Variants in INPP5D observed in about 807,000 individuals in gnomAD.
The protein encoded by INPP5D is phosphatidylinositol 3,4,5-trisphosphate 5-phosphatase 1.
Under a neutral mutation model 122.9 loss-of-function variants are expected in INPP5D, and 33 were observed. The observed-to-expected ratio is 0.27, with a 90% CI of 0.20 to 0.36. INPP5D has a LOEUF of 0.36. Ranked by LOEUF, INPP5D falls within the 10% of genes least tolerant of loss-of-function variation. The pLI is 1.00. For missense variants in INPP5D, 1,053 were observed against 1,412.7 expected (o/e 0.75, Z 4.08); for synonymous variants, 584 against 576.2 (o/e 1.01, Z -0.19).
chr2:233,198,445 C>T (rs1695243509), intron 25 of INPP5D, 69 bp downstream of exon 25: 5 of 1,526,814 alleles, frequency 3.3e-6, no homozygotes, highest in Non-Finnish European at 3.5e-6. Context: ...TGGGCTTTCA[C>T]CCTAGAATGG....
intron 2 of INPP5D, among the ~76,000 whole-genome samples, chr2:233,114,738 C>T (rs1016312196): frequency 6.6e-6 from 1 of 152,204 alleles, no homozygotes; most frequent in Non-Finnish European, 1.5e-5. Context: ...ACCCCGCAAA[C>T]CCACACCATT....
chr2:233,143,581 C>T (rs1366350547), intron 6 of INPP5D, among the ~76,000 whole-genome samples: 1 of 152,360 alleles, frequency 6.6e-6, no homozygotes, highest in African/African-American at 2.4e-5. Flanking sequence ...TGAGTCTTAG[C>T]ACCACCTCTT....
In INPP5D at chr2:233,197,665, A is replaced by G. The variant is rs1192546825; in HGVS notation, c.2694-430A>G. ...TCTGCTTATCTTCTTATCTCAGATG[A>G]AAGACCACCTCCTCAGATGGGGCCT... On this transcript the variant is annotated intron_variant, in intron 24 of 26. Coordinates refer to ENST00000445964, the MANE Select transcript of INPP5D (RefSeq NM_001017915.3). The surrounding 1 kb of genome is among the most constrained non-coding windows in gnomAD (Gnocchi z 4.4). 6.6e-6 allele frequency among the ~76,000 whole-genome samples: 1 copy of G among 152,166 alleles called. No homozygotes were observed. Among genetic ancestry groups the G allele is most frequent in the African/African-American group, 2.4e-5 (1 of 41,442 alleles).
At chr2:233,172,783 T>C (rs2106304628) in intron 17 of INPP5D, among the ~76,000 whole-genome samples, 1 of 152,348 alleles carries the variant, frequency 6.6e-6, no homozygotes, top group South Asian at 2.1e-4. Flanking sequence ...TTCAGTTAGA[T>C]GGTGTGGCCT....
chr2:233,204,635 G>A lies in INPP5D; in HGVS notation c.3485G>A (p.Arg1162His). Residue 1162 changes from arginine to histidine, a missense_variant, in exon 26 of 27, where the codon CGC becomes CAC. Physicochemically the swap from Arg to His is conservative, Grantham distance 29 (BLOSUM62 0). Coordinates refer to ENST00000445964, the MANE Select transcript of INPP5D (RefSeq NM_001017915.3). ...HLQHSKGRDY[R>H]DNTELPHHGK... is the part of the protein sequence containing the mutation. ...CAGCACTCCAAGGGCCGCGACTACCGCGACAACACCGAGCTCCCGCATCAC... is the reference window on the plus strand; with the variant it reads ...CAGCACTCCAAGGGCCGCGACTACCACGACAACACCGAGCTCCCGCATCAC... The A allele has an allele frequency of 1.9e-6, 3 of 1,583,776 alleles. No homozygotes were observed. Among genetic ancestry groups the A allele is most frequent in the East Asian group, 2.3e-5 (1 of 43,240 alleles).
At position 233,168,022 on chromosome 2, in the gene INPP5D, A is replaced by G. The variant is rs528463055; in HGVS notation, c.1556-1283A>G. ...TCTGTCTCCAAAAAAAAAAAAAAAA[A>G]AAAGAAAGAAAGGAAGAAAAGAAAA... On this transcript the variant is annotated intron_variant, in intron 13 of 26. Transcript: ENST00000445964. Among the ~76,000 whole-genome samples the G allele has an allele frequency of 1.6e-3, 178 of 112,694 alleles. 1 individual carries two copies. Among genetic ancestry groups the G allele is most frequent in the African/African-American group, 4.5e-3 (161 of 36,042 alleles). 73.9% of individuals were successfully genotyped at this position (112,694 alleles called of 152,430 possible).
At position 233,085,109 on chromosome 2, in the gene INPP5D, G is replaced by T. The variant is rs117921421; in HGVS notation, c.198+5711G>T. Among the ~76,000 whole-genome samples the T allele has an allele frequency of 5.9e-3, 898 of 152,240 alleles. 20 individuals carry two copies. In the East Asian group the frequency reaches 0.063, roughly 11 times the overall value. ...TTCAAGAATGTAGTGTTACAGGCTG[G>T]GTGCAGTGGCTCACTCCTGTAATCC... On this transcript the variant is annotated intron_variant, in intron 2 of 26. Transcript: ENST00000445964.
In INPP5D at chr2:233,170,728, C is replaced by G; in HGVS notation, c.1900+124C>G. ...ACCATCCTGGCTAACACAGTGAAAC[C>G]CCGTCTCTACTTAAAAAAATACAAA... On this transcript the variant is annotated intron_variant, in intron 16 of 26. Coordinates refer to ENST00000445964, the MANE Select transcript of INPP5D (RefSeq NM_001017915.3). This position sits in a 1 kb window ranked among gnomAD's most constrained non-coding sequence, Gnocchi z 4.5. 1.5e-6 allele frequency: 2 copies of G among 1,323,176 alleles called. No homozygotes were observed. The highest frequency in any genetic ancestry group is 2.7e-5 in the Admixed American group (1 of 36,494). The allele number at this position is 1,323,176 out of a possible 1,614,324, so 82.0% of individuals were successfully genotyped here. A position where few individuals can be genotyped will look rare whatever the true frequency, so the allele number is the denominator to read the frequency against.
At chr2:233,134,523 C>T (rs1041372142) in intron 5 of INPP5D, among the ~76,000 whole-genome samples, 1 of 152,078 alleles carries the variant, frequency 6.6e-6, no homozygotes, top group African/African-American at 2.4e-5. Context: ...GCCAGAGCCT[C>T]CTCTGCAGAA....
intron 1 of INPP5D, among the ~76,000 whole-genome samples, chr2:233,067,354 A>G (rs1317431873): frequency 9.8e-5 from 15 of 152,314 alleles, no homozygotes; most frequent in Admixed American, 3.9e-4. Context: ...GTCAAGCTTC[A>G]TCTGTGTTGT....
chr2:233,117,297 C>T (rs10933432), intron 2 of INPP5D, among the ~76,000 whole-genome samples: 7 of 152,198 alleles, frequency 4.6e-5, no homozygotes, highest in East Asian at 1.9e-4. Flanking sequence ...GACGCTTCAT[C>T]GGGGGACGCA....
At chr2:233,163,005 C>T (rs1286101838) in intron 11 of INPP5D, among the ~76,000 whole-genome samples, 1 of 152,106 alleles carries the variant, frequency 6.6e-6, no homozygotes, top group East Asian at 1.9e-4. Flanking sequence ...ACCCACCAGC[C>T]CGGGGGTTCG....
Position 233,197,512 on chromosome 2 carries a change from C to T in INPP5D, c.2694-583C>T, listed in dbSNP as rs893049811. On this transcript the variant is annotated intron_variant, in intron 24 of 26. Transcript: ENST00000445964. This position sits in a 1 kb window ranked among gnomAD's most constrained non-coding sequence, Gnocchi z 4.4. ...TGCCCTGCCAGCCTTGCCAGCTTCT[C>T]ATTCCATCCTCTGCACCTGCTCACC... Among the ~76,000 whole-genome samples, 4 of 152,178 alleles carry T rather than the reference C, an allele frequency of 2.6e-5. No individual in the cohort carries two copies. Among genetic ancestry groups the T allele is most frequent in the Non-Finnish European group, 4.4e-5 (3 of 68,024 alleles).
chr2:233,061,910 G>C (rs572654759), intron 1 of INPP5D, among the ~76,000 whole-genome samples: 14 of 152,260 alleles, frequency 9.2e-5, no homozygotes, highest in Non-Finnish European at 1.5e-4. Flanking sequence ...TACAGGGTCA[G>C]CTGGGGCACT....
At chr2:233,152,869 G>C (rs574573432) in intron 9 of INPP5D, among the ~76,000 whole-genome samples, 16 of 152,200 alleles carry the variant, frequency 1.1e-4, no homozygotes, top group African/African-American at 3.9e-4. Flanking sequence ...CAGCTGGGGG[G>C]GGTGTGGTGT....
chr2:233,150,990 C>T (rs932325057), intron 9 of INPP5D, among the ~76,000 whole-genome samples: 1 of 152,134 alleles, frequency 6.6e-6, no homozygotes, highest in African/African-American at 2.4e-5. Flanking sequence ...GCTCATCTCT[C>T]ACTGTGGTTC....
At position 233,108,540 on chromosome 2, in the gene INPP5D, G is replaced by A. The variant is rs546251809; in HGVS notation, c.199-13567G>A. On this transcript the variant is annotated intron_variant, in intron 2 of 26. Coordinates refer to ENST00000445964, the MANE Select transcript of INPP5D (RefSeq NM_001017915.3). The stretch of plus-strand genomic sequence containing the variant: ...CATTCTTTCTTTTTTATTTAAACGA[G>A]ATGAGGTCTTGCGATGTTGCCTCCT... Among the ~76,000 whole-genome samples, 9 of 152,328 alleles carry A rather than the reference G, an allele frequency of 5.9e-5. No homozygotes were observed. The South Asian group carries it at 1.9e-3, about 32-fold the overall frequency.
intron 1 of INPP5D, among the ~76,000 whole-genome samples, chr2:233,074,782 A>C (rs1021920707): frequency 6.6e-6 from 1 of 152,196 alleles, no homozygotes; most frequent in Admixed American, 6.5e-5. Context: ...TTTAAAAGCA[A>C]TTACAGGAGC....
chr2:233,123,532 C>T (rs1047159373), intron 3 of INPP5D, among the ~76,000 whole-genome samples: 5 of 151,912 alleles, frequency 3.3e-5, no homozygotes, highest in Non-Finnish European at 5.9e-5. Context: ...GGACAAAGAC[C>T]AATAGAGCAA....
Sources: allele counts gnomAD v4.1 joint callset (sites outside exome capture counted in the v4.1 genomes callset), GRCh38; gene constraint gnomAD v4.1.1; non-coding constraint Gnocchi (gnomAD v3.1); transcripts MANE v1.5; gene names NCBI Gene and HGNC (gene_info 2026-07-23, HGNC 2026-07-21).